ESPNL: variants seen among roughly 807,000 people sequenced by gnomAD.
The protein encoded by ESPNL is espin-like protein.
ESPNL carries 49 observed loss-of-function variants against 46.8 expected under a neutral mutation model. The ratio of observed to expected loss-of-function variants is 1.05; its 90% CI spans 0.83 to 1.33. The LOEUF (loss-of-function observed/expected upper bound fraction) is 1.33, where lower values mean the gene tolerates loss of function less well. Ranked by LOEUF, ESPNL falls within the 40% of genes most tolerant of loss-of-function variation. The probability of loss-of-function intolerance (pLI) is 0.00; values close to 1 mark genes in which losing one functional copy is unlikely to be tolerated. For synonymous variants in ESPNL, 664 were observed against 662.1 expected (o/e 1.00, Z -0.04); for missense variants, 1,540 against 1,436.6 (o/e 1.07, Z -1.16).
chr2:238,104,570 A>G (rs978998058), intron 2 of ESPNL, 86 bp from the exon 3 acceptor site: 2 of 1,369,448 alleles, frequency 1.5e-6, no homozygotes, highest in Non-Finnish European at 9.7e-7. Context: ...GGGCAGGGCC[A>G]GGGGGCAGCG....
chr2:238,115,029 T>TGCGGTTCTGGCGCTGGTCTTGCG (rs1574733965), intron 4 of ESPNL, among the ~76,000 whole-genome samples: 1 of 152,120 alleles, frequency 6.6e-6, no homozygotes, highest in Non-Finnish European at 1.5e-5. Context: ...CCTGTGGCTC[T>TGCGGTTCTGGCGCTGGTCTTGCG]GCGGTTCTGG....
Position 238,131,667 on chromosome 2 carries a change from T to C in ESPNL, c.2953T>C (p.Tyr985His), listed in dbSNP as rs1382910567. The C allele has an allele frequency of 4.4e-6, 7 of 1,602,396 alleles. No individual in the cohort carries two copies. In the Admixed American group the frequency reaches 1.0e-4, roughly 23 times the overall value. ...GSFNGEDICGYINRSFAFWKE... is the reference protein window; with the variant it reads ...GSFNGEDICGHINRSFAFWKE... The stretch of plus-strand genomic sequence containing the variant: ...CTTCAACGGTGAGGACATCTGCGGC[T>C]ACATCAACCGCAGCTTTGCCTTCTG... Residue 985 changes from tyrosine to histidine, a missense_variant, in exon 9 of 9, where the codon TAC (tyrosine) becomes CAC (histidine). Physicochemically the swap from Tyr to His is moderately conservative, Grantham distance 83 (BLOSUM62 2). Coordinates refer to ENST00000343063, the MANE Select transcript of ESPNL (RefSeq NM_194312.4).
chr2:238,105,239 C>T (rs1323487193), intron 3 of ESPNL, among the ~76,000 whole-genome samples: 1 of 152,090 alleles, frequency 6.6e-6, no homozygotes, highest in Non-Finnish European at 1.5e-5. Flanking sequence ...GATCCCCAGG[C>T]CAGCCCCCAC....
Position 238,131,145 on chromosome 2 carries a change from T to C in ESPNL, c.2431T>C (p.Trp811Arg), listed in dbSNP as rs751351045. Residue 811 changes from tryptophan to arginine, a missense_variant, in exon 9 of 9, where the codon TGG (tryptophan) becomes CGG (arginine). By Grantham distance (101) the Trp-to-Arg change is moderately radical. Transcript: ENST00000343063. ...RSTITHLLGN[W>R]KAIMAHVPAR... ...CACCATCACCCACCTGCTGGGCAAC[T>C]GGAAGGCCATCATGGCTCACGTGCC... The C allele has an allele frequency of 6.2e-5, 96 of 1,546,092 alleles. No homozygotes were observed. Among genetic ancestry groups the C allele is most frequent in the Non-Finnish European group, 8.0e-5 (92 of 1,147,064 alleles).
intron 6 of ESPNL, among the ~76,000 whole-genome samples, chr2:238,125,712 GGCAA>G (rs1692089934): frequency 6.6e-6 from 1 of 152,212 alleles, no homozygotes; most frequent in Non-Finnish European, 1.5e-5. Flanking sequence ...GGGCTAGCAG[GGCAA>G]GCAACAGTCC....
intron 6 of ESPNL, among the ~76,000 whole-genome samples, chr2:238,126,796 GTGTA>G (rs1000572532): frequency 1.3e-5 from 2 of 150,830 alleles, no homozygotes; most frequent in African/African-American, 4.9e-5. Flanking sequence ...GATTGTGTTT[GTGTA>G]TGTCTGTTCT....
chr2:238,129,987 C>T (rs1692248566), intron 8 of ESPNL, 141 bp from the exon 9 acceptor site: 1 of 933,016 alleles, frequency 1.1e-6, no homozygotes, highest in East Asian at 2.7e-5. Context: ...TCTGCCCTAG[C>T]TGGGAAGCCC....
chr2:238,104,747 G>A lies in ESPNL; in HGVS notation c.577G>A (p.Asp193Asn). ...HLHLAQFLVK[D>N]CGADVHLRAL... is the part of the protein sequence containing the mutation. ...GCACCTGGCCCAGTTCCTGGTGAAG[G>A]ACTGTGGCGCTGACGTGCACCTTCG... is the stretch of plus-strand genomic sequence containing the variant. Residue 193 changes from aspartate (D) to asparagine (N), a missense_variant, in exon 3 of 9, where the codon GAC becomes AAC. Asp to Asn is a conservative substitution (Grantham distance 23). Transcript: ENST00000343063. The A allele has an allele frequency of 6.2e-7, 1 of 1,608,018 alleles. No individual in the cohort carries two copies. Among genetic ancestry groups the A allele is most frequent in the Non-Finnish European group, 8.5e-7 (1 of 1,178,522 alleles).
At chr2:238,126,210 CTG>C (rs370251972) in intron 6 of ESPNL, among the ~76,000 whole-genome samples, 3 of 66,200 alleles carry the variant, frequency 4.5e-5, no homozygotes, top group African/African-American at 7.4e-5. Flanking sequence ...TTGTGTCTCT[CTG>C]TGATTGTGTC....
At position 238,114,833 on chromosome 2, in the gene ESPNL, G is replaced by A. The variant is rs964392775; in HGVS notation, c.856-2070G>A. Among the ~76,000 whole-genome samples, 4 of 152,216 alleles carry A rather than the reference G, an allele frequency of 2.6e-5. No individual in the cohort carries two copies. The highest frequency in any genetic ancestry group is 2.1e-4 in the South Asian group (1 of 4,828). ...TAAAGCCTTGTGGGCACCCGGCCAC[G>A]CTATGGGTGGCAGCTTTCGCACCAC... On this transcript the variant is annotated intron_variant, in intron 4 of 8. Transcript: ENST00000343063. The surrounding 1 kb of genome is among the most constrained non-coding windows in gnomAD (Gnocchi z 5.0).
chr2:238,126,746 ATCTG>A, intron 6 of ESPNL, among the ~76,000 whole-genome samples: 1 of 134,780 alleles, frequency 7.4e-6, no homozygotes, highest in African/African-American at 2.9e-5. Context: ...GTCTGTGTGT[ATCTG>A]TGATTGTGTC....
intron 5 of ESPNL, among the ~76,000 whole-genome samples, chr2:238,119,735 G>A (rs149656434): frequency 3.6e-4 from 55 of 152,118 alleles, no homozygotes; most frequent in African/African-American, 1.3e-3. Context: ...CCTTCTTTTC[G>A]GGTGAGGGGA....
chr2:238,102,116 C>G lies in ESPNL; in HGVS notation c.470C>G (p.Thr157Arg). 6.4e-7 allele frequency: 1 copy of G among 1,553,206 alleles called. No individual in the cohort carries two copies. The highest frequency in any genetic ancestry group is 1.2e-5 in the South Asian group (1 of 84,770). Residue 157 changes from threonine (T) to arginine (R), a missense_variant, in exon 2 of 9, where the codon ACA (threonine) becomes AGA (arginine). Transcript: ENST00000343063. Reference protein sequence around the residue: ...SGDLTCLKLLTAAHGSSVNRR... With the variant: ...SGDLTCLKLLRAAHGSSVNRR... ...GACCTGACCTGCCTCAAGCTCCTGA[C>G]AGCCGCGCATGGCAGGTAAGGAGCC...
Position 238,100,696 on chromosome 2 carries a change from G to T in ESPNL, c.277G>T (p.Gly93Trp), listed in dbSNP as rs780378054. The change falls in exon 1 of 9, where the codon GGG becomes TGG. Residue 93 changes from glycine (G) to tryptophan (W), a missense_variant. By Grantham distance (184) the Gly-to-Trp change is radical (BLOSUM62 -2). Coordinates refer to ENST00000343063, the MANE Select transcript of ESPNL (RefSeq NM_194312.4). ...LAELCWLVRE[G>W]GCGLQDQDAS... is the part of the protein sequence containing the mutation. ...CGAGCTGTGCTGGCTGGTCCGCGAG[G>T]GGGGCTGCGGTCTGCAGGTGAGCGG... The T allele has an allele frequency of 1.5e-4, 211 of 1,421,418 alleles. No homozygotes were observed. Among genetic ancestry groups the T allele is most frequent in the Middle Eastern group, 2.6e-4 (1 of 3,874 alleles). 88.1% of individuals were successfully genotyped at this position (1,421,418 alleles called of 1,614,324 possible).
rs567091093 is a variant in ESPNL at position 238,106,741 on chromosome 2, G to T, written c.673-1050G>T. ...AGGGGGTCCTGAGGGAGGGAAACAG[G>T]GTGTCCACTGAACCCCTAGGACTGT... On this transcript the variant is annotated intron_variant, in intron 3 of 8. Coordinates refer to ENST00000343063, the MANE Select transcript of ESPNL (RefSeq NM_194312.4). Among the ~76,000 whole-genome samples, 3 of 85,760 alleles carry T rather than the reference G, an allele frequency of 3.5e-5. No individual in the cohort carries two copies. The East Asian group carries it at 2.4e-3, about 69-fold the overall frequency. 56.3% of individuals were successfully genotyped at this position (85,760 alleles called of 152,430 possible).
At chr2:238,101,869 G>C (rs1253633477) in intron 1 of ESPNL, 72 bp from the exon 2 acceptor site, 4 of 1,185,976 alleles carry the variant, frequency 3.4e-6, no homozygotes, top group Non-Finnish European at 4.8e-6. Flanking sequence ...CCTCGCCCAG[G>C]GCCCACCTCC....
In ESPNL at chr2:238,130,791, A is replaced by G; in HGVS notation, c.2077A>G (p.Lys693Glu). The change falls in exon 9 of 9, where the codon AAG becomes GAG. Residue 693 changes from lysine to glutamate, a missense_variant. Physicochemically the swap from Lys to Glu is moderately conservative, Grantham distance 56 (BLOSUM62 1). Transcript: ENST00000343063. ...CLSGCWPALP[K>E]PRSGLASGEP... ...GAGTGGCTGCTGGCCAGCCCTGCCT[A>G]AGCCCCGCAGTGGCCTGGCTTCAGG... 1.3e-6 allele frequency: 2 copies of G among 1,544,308 alleles called. No individual in the cohort carries two copies. Among genetic ancestry groups the G allele is most frequent in the Non-Finnish European group, 1.7e-6 (2 of 1,149,376 alleles).
At position 238,130,270 on chromosome 2, in the gene ESPNL, T is replaced by A. The variant is rs1201182349; in HGVS notation, c.1556T>A (p.Leu519His). The A allele has an allele frequency of 6.2e-7, 1 of 1,608,662 alleles. No individual in the cohort carries two copies. The highest frequency in any genetic ancestry group is 1.3e-5 in the African/African-American group (1 of 74,860). Residue 519 changes from leucine (L) to histidine (H), a missense_variant, in exon 9 of 9, where the codon CTT (leucine) becomes CAT (histidine). Transcript: ENST00000343063. ...GAGAAGCAGATTGCAGACCTGCAGC[T>A]TCGGCGCCGCTGTCAGGAGTATGAG... Reference protein sequence around the residue: ...YLEKQIADLQLRRRCQEYESE... With the variant: ...YLEKQIADLQHRRRCQEYESE...
intron 4 of ESPNL, among the ~76,000 whole-genome samples, chr2:238,108,583 G>A (rs577739484): frequency 4.6e-5 from 7 of 152,222 alleles, no homozygotes; most frequent in Admixed American, 6.5e-5. Flanking sequence ...AGCCCCATCC[G>A]GTCCTGAGCA....
Sources: allele counts gnomAD v4.1 joint callset (sites outside exome capture counted in the v4.1 genomes callset), GRCh38; gene constraint gnomAD v4.1.1; non-coding constraint Gnocchi (gnomAD v3.1); transcripts MANE v1.5; gene names NCBI Gene and HGNC (gene_info 2026-07-23, HGNC 2026-07-21).